ADCY1: variants seen among roughly 807,000 people sequenced by gnomAD.
ADCY1 encodes the protein adenylate cyclase 1.
In ADCY1, 28 loss-of-function variants were observed where a neutral mutation model predicts 105.4. That is an observed-to-expected ratio of 0.27 (90% CI 0.20 to 0.36). The LOEUF (loss-of-function observed/expected upper bound fraction) is 0.36, where lower values mean the gene tolerates loss of function less well. ADCY1 is among the 10% of genes least tolerant of loss of function. The pLI, the probability that ADCY1 is intolerant of heterozygous loss-of-function variation, is 1.00. For synonymous variants in ADCY1, 655 were observed against 623.8 expected, an observed-to-expected ratio of 1.05 and a Z score of -0.75; for missense variants, 977 against 1,434.2, an observed-to-expected ratio of 0.68 and a Z score of 5.15.
Position 45,692,437 on chromosome 7 carries a change from C to T in ADCY1, c.2454+5764C>T, listed in dbSNP as rs138675237. On this transcript the variant is annotated intron_variant, in intron 14 of 19. Transcript: ENST00000297323. Reference sequence around the variant, plus strand: ...CAGAAAATTTCAGTACAGTGAAGGGCGTGCCATGTAAAATGTAGACAGGAC... The same window carrying T: ...CAGAAAATTTCAGTACAGTGAAGGGTGTGCCATGTAAAATGTAGACAGGAC... Among the ~76,000 whole-genome samples, 6 of 152,216 alleles carry T rather than the reference C, an allele frequency of 3.9e-5. No homozygotes were observed. The South Asian group carries it at 6.2e-4, about 16-fold the overall frequency.
chr7:45,627,030 C>T (rs1026486593), intron 4 of ADCY1, among the ~76,000 whole-genome samples: 2 of 152,174 alleles, frequency 1.3e-5, no homozygotes, highest in African/African-American at 4.8e-5. Flanking sequence ...CCCTCAAAAT[C>T]AGGGTAGAAC....
intron 3 of ADCY1, among the ~76,000 whole-genome samples, chr7:45,619,488 A>T (rs1008537204): frequency 3.9e-5 from 6 of 152,180 alleles, no homozygotes; most frequent in Admixed American, 2.6e-4. Context: ...ATAAGTATGT[A>T]CAATTATGTG....
In ADCY1 at chr7:45,614,716, T is replaced by C. The variant is rs113929992; in HGVS notation, c.908+4219T>C. 3.2e-3 allele frequency among the ~76,000 whole-genome samples: 485 copies of C among 152,216 alleles called. 3 individuals carry two copies. Among genetic ancestry groups the C allele is most frequent in the Middle Eastern group, 0.017 (5 of 294 alleles). Reference sequence around the variant, plus strand: ...TAGCTCATACCAATGAGACCCCAAATAGAGCAAAGATGGCTGTGCTTGTAT... The same window carrying C: ...TAGCTCATACCAATGAGACCCCAAACAGAGCAAAGATGGCTGTGCTTGTAT... On this transcript the variant is annotated intron_variant, in intron 3 of 19. Transcript: ENST00000297323.
intron 19 of ADCY1, among the ~76,000 whole-genome samples, chr7:45,713,145 T>G (rs1785295879): frequency 2.0e-5 from 3 of 152,308 alleles, no homozygotes; most frequent in Admixed American, 6.5e-5. Flanking sequence ...CCCTACATTC[T>G]GTATGCCCTA....
At chr7:45,698,164 TACACACAC>T (rs72397514) in intron 14 of ADCY1, among the ~76,000 whole-genome samples, 45 of 147,704 alleles carry the variant, frequency 3.0e-4, no homozygotes, top group African/African-American at 1.0e-3. Flanking sequence ...CATACTCTCT[TACACACAC>T]ACACACACAC....
Position 45,591,230 on chromosome 7 carries a change from A to G in ADCY1, c.640-1529A>G, listed in dbSNP as rs1215982315. 6.6e-6 allele frequency among the ~76,000 whole-genome samples: 1 copy of G among 151,878 alleles called. No individual in the cohort carries two copies. The highest frequency in any genetic ancestry group is 2.4e-5 in the African/African-American group (1 of 41,336). On this transcript the variant is annotated intron_variant, in intron 1 of 19. Coordinates refer to ENST00000297323, the MANE Select transcript of ADCY1 (RefSeq NM_021116.4). This position sits in a 1 kb window ranked among gnomAD's most constrained non-coding sequence, Gnocchi z 4.1. ...GCCCCTGGTCAGTCTCAGCTCTCCT[A>G]CCTGCTCCTCAGCCCCAGCATCCAG...
At chr7:45,579,653 C>G (rs939446484) in intron 1 of ADCY1, among the ~76,000 whole-genome samples, 15 of 152,190 alleles carry the variant, frequency 9.9e-5, no homozygotes, top group African/African-American at 3.6e-4. Flanking sequence ...AGGTGGGGTG[C>G]TCCTCCTGGC....
chr7:45,687,240 A>T (rs1460321212), intron 14 of ADCY1, among the ~76,000 whole-genome samples: 1 of 152,332 alleles, frequency 6.6e-6, no homozygotes, highest in South Asian at 2.1e-4. Context: ...GGCCCCAAAC[A>T]TCTGGGTACC....
chr7:45,721,932 T>G lies in ADCY1; in HGVS notation c.*7937T>G. ...ATAGCCTAGATGAACTCCCAAGAGATCTATTAAATCTTGTGGGCTGAATAA... is the reference window on the plus strand; with the variant it reads ...ATAGCCTAGATGAACTCCCAAGAGAGCTATTAAATCTTGTGGGCTGAATAA... On this transcript the variant is annotated 3_prime_UTR_variant, in exon 20 of 20. Transcript: ENST00000297323. The G allele has an allele frequency of 2.5e-6, 1 of 398,214 alleles. No individual in the cohort carries two copies. Among genetic ancestry groups the G allele is most frequent in the Middle Eastern group, 6.3e-4 (1 of 1,588 alleles). 24.7% of individuals were successfully genotyped at this position (398,214 alleles called of 1,614,324 possible). A position where few individuals can be genotyped will look rare whatever the true frequency, so the allele number is the denominator to read the frequency against.
chr7:45,676,423 CT>C (rs1173586612), intron 8 of ADCY1, among the ~76,000 whole-genome samples: 8 of 150,820 alleles, frequency 5.3e-5, no homozygotes, highest in Non-Finnish European at 1.0e-4. Context: ...TGAGTGGTTT[CT>C]TTTTTTTTAT....
rs996631522 is a variant in ADCY1, at chr7:45,708,360, C to T, written c.2828C>T (p.Ser943Phe). ...TCTGTTTACACCTAGGCTAAGAAGT[C>T]CATCTCCTCCCACCTGAGCACGCTG... ...APTSGTKAKK[S>F]ISSHLSTLAD... The change falls in exon 18 of 20, where the codon TCC becomes TTC. Residue 943 changes from serine (S) to phenylalanine (F), a missense_variant. Around this residue, in one of 7 missense-constraint regions of ADCY1, gnomAD observed 152 missense variants for 293.7 expected, o/e 0.52. Transcript: ENST00000297323. This position sits in a 1 kb window ranked among gnomAD's most constrained non-coding sequence, Gnocchi z 4.7. The T allele has an allele frequency of 6.2e-7, 1 of 1,613,934 alleles. No individual in the cohort carries two copies. The highest frequency in any genetic ancestry group is 1.1e-5 in the South Asian group (1 of 91,072).
At chr7:45,620,690 A>G (rs1429715626) in intron 3 of ADCY1, among the ~76,000 whole-genome samples, 2 of 152,224 alleles carry the variant, frequency 1.3e-5, no homozygotes, top group African/African-American at 4.8e-5. Flanking sequence ...GCAGCAAGAG[A>G]AAAACGAGTT....
intron 8 of ADCY1, among the ~76,000 whole-genome samples, chr7:45,663,249 G>A (rs1795179832): frequency 6.6e-6 from 1 of 152,232 alleles, no homozygotes; most frequent in Non-Finnish European, 1.5e-5. Flanking sequence ...GCGTTTGATG[G>A]AGCCCAGCCT....
Position 45,697,966 on chromosome 7 carries a change from T to C in ADCY1, c.2455-5410T>C, listed in dbSNP as rs1297906444. ...TATTTGAGCTGATTTGCCCTCCAGC[T>C]CATGAACTCCAATTCCCCCAGCTAT... On this transcript the variant is annotated intron_variant, in intron 14 of 19. Coordinates refer to ENST00000297323, the MANE Select transcript of ADCY1 (RefSeq NM_021116.4). 2.6e-5 allele frequency among the ~76,000 whole-genome samples: 4 copies of C among 152,184 alleles called. No individual in the cohort carries two copies. The East Asian group carries it at 7.7e-4, about 29-fold the overall frequency.
At chr7:45,697,932 G>A (rs1784917435) in intron 14 of ADCY1, among the ~76,000 whole-genome samples, 1 of 152,178 alleles carries the variant, frequency 6.6e-6, no homozygotes, top group African/African-American at 2.4e-5. Flanking sequence ...ATGTTGGATA[G>A]TCCTGGTTTA....
chr7:45,712,817 A>G (rs1785288199), intron 19 of ADCY1, among the ~76,000 whole-genome samples: 1 of 152,158 alleles, frequency 6.6e-6, no homozygotes, highest in Non-Finnish European at 1.5e-5. Flanking sequence ...CATTGCATTT[A>G]GTAGAAACTA....
chr7:45,596,296 A>G (rs770149880), intron 2 of ADCY1, among the ~76,000 whole-genome samples: 2 of 151,918 alleles, frequency 1.3e-5, no homozygotes, highest in Non-Finnish European at 2.9e-5. Flanking sequence ...TGAACTGTCC[A>G]GGCAACACAA....
At chr7:45,634,441 T>G (rs1288442206) in intron 4 of ADCY1, among the ~76,000 whole-genome samples, 1 of 144,432 alleles carries the variant, frequency 6.9e-6, no homozygotes, top group Non-Finnish European at 1.5e-5. Flanking sequence ...TTTTTTTTTT[T>G]GATTCAGAAA....
At chr7:45,574,281 G>T (rs1327539625), upstream of ADCY1, 2 of 351,554 alleles carry the variant, frequency 5.7e-6, no homozygotes, top group Non-Finnish European at 4.0e-6. This position sits in a 1 kb window ranked among gnomAD's most constrained non-coding sequence, Gnocchi z 7.0. Flanking sequence ...CGGCTCCCGG[G>T]GCTCGGCTGT....
Sources: allele counts gnomAD v4.1 joint callset (sites outside exome capture counted in the v4.1 genomes callset), GRCh38; gene constraint gnomAD v4.1.1; regional missense constraint gnomAD v4.1.1; non-coding constraint Gnocchi (gnomAD v3.1); transcripts MANE v1.5; gene names NCBI Gene and HGNC (gene_info 2026-07-23, HGNC 2026-07-21).